COL26A1: variants seen among roughly 807,000 people sequenced by gnomAD.
The protein encoded by COL26A1 is collagen alpha-1(XXVI) chain.
COL26A1 carries 41 observed loss-of-function variants against 59.3 expected under a neutral mutation model. The observed-to-expected ratio is 0.69, with a 90% confidence interval of 0.54 to 0.90. COL26A1 has a LOEUF of 0.90. Among genes scored for constraint, COL26A1 ranks in the 40% least tolerant of loss-of-function variants. The pLI is 0.00. For missense variants in COL26A1, 612 were observed against 602.3 expected (o/e 1.02, Z -0.17); for synonymous variants, 266 against 256.0 (o/e 1.04, Z -0.37).
In COL26A1 at chr7:101,556,139, A is replaced by G. The variant is rs532467730; in HGVS notation, c.1165+268A>G. ...CCATGTTGAGGCCCCTCCCACCTCC[A>G]TGCCTTTGCTCGGGCCATGCCTCTG... On this transcript the variant is annotated intron_variant, in intron 12 of 12. Transcript: ENST00000313669. 3.3e-5 allele frequency among the ~76,000 whole-genome samples: 5 copies of G among 152,272 alleles called. No individual in the cohort carries two copies. In the South Asian group the frequency reaches 1.0e-3, roughly 32 times the overall value.
intron 2 of COL26A1, among the ~76,000 whole-genome samples, chr7:101,421,766 T>C (rs1404237705): frequency 6.6e-6 from 1 of 152,174 alleles, no homozygotes; most frequent in Non-Finnish European, 1.5e-5. Flanking sequence ...TTTCCCTTTG[T>C]CTTTTACATG....
intron 1 of COL26A1, among the ~76,000 whole-genome samples, chr7:101,400,611 C>T (rs57757404): frequency 0.04 from 6,003 of 151,594 alleles, 179 homozygotes; most frequent in African/African-American, 0.078. Context: ...CAGGCTGGAG[C>T]GCAATGGTGC....
rs1180926221 is a variant in COL26A1 at position 101,516,777 on chromosome 7, AG to A, written c.386-16303del. On this transcript the variant is annotated intron_variant, in intron 3 of 12. Coordinates refer to ENST00000313669, the MANE Select transcript of COL26A1 (RefSeq NM_001278563.3). Reference sequence around the variant, plus strand: ...GGGGGCAGGGCCCAGAGAGATGACTAGGCCTTAAGCTATTAGGCAACCACTG... The same window carrying A: ...GGGGGCAGGGCCCAGAGAGATGACTAGCCTTAAGCTATTAGGCAACCACTG... Among the ~76,000 whole-genome samples the A allele has an allele frequency of 2.0e-5, 3 of 152,306 alleles. No homozygotes were observed. In the East Asian group the frequency reaches 5.8e-4, roughly 29 times the overall value.
At chr7:101,382,746 A>G (rs1004728245) in intron 1 of COL26A1, among the ~76,000 whole-genome samples, 2 of 152,162 alleles carry the variant, frequency 1.3e-5, no homozygotes, top group Admixed American at 6.6e-5. Flanking sequence ...TAATGGAGTC[A>G]TAGGATTACA....
At chr7:101,497,646 A>C (rs760772840) in intron 3 of COL26A1, among the ~76,000 whole-genome samples, 5 of 152,028 alleles carry the variant, frequency 3.3e-5, no homozygotes, top group Non-Finnish European at 5.9e-5. Context: ...ATTACACCCC[A>C]GCCTCGGCAA....
rs907689089 is a variant in COL26A1, at chr7:101,425,565, C to T, written c.281+5466C>T. Among the ~76,000 whole-genome samples, 5 of 151,922 alleles carry T rather than the reference C, an allele frequency of 3.3e-5. No homozygotes were observed. The East Asian group carries it at 5.8e-4, about 18-fold the overall frequency. On this transcript the variant is annotated intron_variant, in intron 2 of 12. Coordinates refer to ENST00000313669, the MANE Select transcript of COL26A1 (RefSeq NM_001278563.3). ...AGGCTGGAGTGCAGTGGCGTGATCTCGGCTCACTGCAACCTCTGTCTCCCA... is the reference window on the plus strand; with the variant it reads ...AGGCTGGAGTGCAGTGGCGTGATCTTGGCTCACTGCAACCTCTGTCTCCCA...
At chr7:101,378,573 G>T (rs1339906843) in intron 1 of COL26A1, among the ~76,000 whole-genome samples, 2 of 151,890 alleles carry the variant, frequency 1.3e-5, no homozygotes, top group Non-Finnish European at 2.9e-5. Flanking sequence ...TGTCACCCAG[G>T]CTGGTCTCGA....
chr7:101,551,029 G>A (rs1004838981), intron 9 of COL26A1, 79 bp from the exon 10 acceptor site: 43 of 1,431,324 alleles, frequency 3.0e-5, no homozygotes, highest in Middle Eastern at 3.4e-4. Context: ...CACAGTGGGC[G>A]GGGAGGGGGG....
At chr7:101,493,189 G>A (rs1794504076) in intron 3 of COL26A1, among the ~76,000 whole-genome samples, 1 of 152,122 alleles carries the variant, frequency 6.6e-6, no homozygotes, top group Non-Finnish European at 1.5e-5. Context: ...CCATCTCACT[G>A]CAAGAAGCTA....
intron 11 of COL26A1, among the ~76,000 whole-genome samples, chr7:101,553,631 G>A (rs1369554789): frequency 1.3e-5 from 2 of 152,172 alleles, no homozygotes; most frequent in East Asian, 3.9e-4. Flanking sequence ...GCCCTTGGGG[G>A]GGCTTCCCGG....
At chr7:101,368,756 C>T (rs1291083653) in intron 1 of COL26A1, among the ~76,000 whole-genome samples, 2 of 152,062 alleles carry the variant, frequency 1.3e-5, no homozygotes, top group East Asian at 1.9e-4. Flanking sequence ...CAATTTGGTC[C>T]GGTGTCAACC....
At chr7:101,532,992 C>A in intron 3 of COL26A1, 90 bp from the exon 4 acceptor site, 2 of 947,544 alleles carry the variant, frequency 2.1e-6, no homozygotes, top group Non-Finnish European at 3.3e-6. Flanking sequence ...TCTCTGCTTG[C>A]CTGCCTGCCC....
At chr7:101,380,768 T>C (rs181037743) in intron 1 of COL26A1, among the ~76,000 whole-genome samples, 1 of 152,198 alleles carries the variant, frequency 6.6e-6, no homozygotes, top group Admixed American at 6.6e-5. Flanking sequence ...GACCCTTTAC[T>C]TGCCCTTCAG....
rs1256589322 is a variant in COL26A1 at position 101,413,152 on chromosome 7, C to T, written c.159-6825C>T. 3.3e-5 allele frequency among the ~76,000 whole-genome samples: 5 copies of T among 152,188 alleles called. No individual in the cohort carries two copies. The East Asian group carries it at 7.7e-4, about 23-fold the overall frequency. On this transcript the variant is annotated intron_variant, in intron 1 of 12. Transcript: ENST00000313669. ...GGGTGAAAGTACTGTGCAAGCAAGC[C>T]TTGAGCTGGTGGTGGCTCGGGACGG...
At chr7:101,526,185 A>C (rs553606911) in intron 3 of COL26A1, among the ~76,000 whole-genome samples, 2 of 151,686 alleles carry the variant, frequency 1.3e-5, no homozygotes, top group Admixed American at 1.3e-4. Flanking sequence ...AGTAGTTGGG[A>C]TTACAGGTGC....
At chr7:101,539,690 T>C (rs929864801) in intron 4 of COL26A1, among the ~76,000 whole-genome samples, 1 of 152,152 alleles carries the variant, frequency 6.6e-6, no homozygotes, top group African/African-American at 2.4e-5. Context: ...AGAAAGACTT[T>C]CCTGATGTCA....
At position 101,557,373 on chromosome 7, in the gene COL26A1, C is replaced by A; in HGVS notation, c.1169C>A (p.Pro390His). The change falls in exon 13 of 13, where the codon CCC becomes CAC. Residue 390 changes from proline to histidine, a missense_variant. Transcript: ENST00000313669. ...CACCCTCCTGCTCTCCTTCCAGATC[C>A]CCTGGCCTCCCCAGAGGGAGGTTCT... is the stretch of plus-strand genomic sequence containing the variant. ...ILEHMIGIHD[P>H]LASPEGGSGQ... The A allele has an allele frequency of 2.5e-6, 4 of 1,612,346 alleles. No homozygotes were observed. Among genetic ancestry groups the A allele is most frequent in the Non-Finnish European group, 3.4e-6 (4 of 1,178,798 alleles).
At chr7:101,454,272 T>C (rs1193906799) in intron 3 of COL26A1, among the ~76,000 whole-genome samples, 11 of 147,320 alleles carry the variant, frequency 7.5e-5, no homozygotes, top group South Asian at 2.1e-4. Context: ...TTCTTTCTTT[T>C]TTTTTTTTTT....
chr7:101,438,376 A>G (rs1013304270), intron 2 of COL26A1, among the ~76,000 whole-genome samples: 4 of 151,484 alleles, frequency 2.6e-5, no homozygotes, highest in African/African-American at 2.4e-5. Context: ...AAAATAAACA[A>G]CAGTAAAAAC....
Sources: gnomAD v4.1 joint callset for allele counts (sites outside exome capture counted in the v4.1 genomes callset) on GRCh38, gnomAD v4.1.1 for gene constraint, MANE v1.5 for transcripts, NCBI Gene and HGNC (gene_info 2026-07-23, HGNC 2026-07-21) for gene names.